RPH3A: variants seen among roughly 807,000 people sequenced by gnomAD.
The protein encoded by RPH3A is rabphilin 3A.
RPH3A carries 48 observed loss-of-function variants against 102.2 expected under a neutral mutation model. That is an observed-to-expected ratio of 0.47 (90% CI 0.37 to 0.60). RPH3A has a LOEUF of 0.60. RPH3A is among the 20% of genes least tolerant of loss of function. RPH3A has a pLI of 0.00. For missense variants in RPH3A, 781 were observed against 910.1 expected (o/e 0.86, Z 1.83); for synonymous variants, 310 against 324.3 (o/e 0.96, Z 0.47).
chr12:112,753,149 C>T (rs944880240), intron 1 of RPH3A, among the ~76,000 whole-genome samples: 1 of 152,008 alleles, frequency 6.6e-6, no homozygotes, highest in Non-Finnish European at 1.5e-5. Context: ...CAGAAAGGCC[C>T]CAGCTAGACA....
At chr12:112,710,596 G>T (rs980730729) in intron 1 of RPH3A, among the ~76,000 whole-genome samples, 8 of 152,194 alleles carry the variant, frequency 5.3e-5, no homozygotes, top group African/African-American at 1.7e-4. Flanking sequence ...AAAAGCAAGA[G>T]CTTCCCTAGT....
At chr12:112,614,525 A>G (rs1170822449) in intron 1 of RPH3A, among the ~76,000 whole-genome samples, 4 of 150,764 alleles carry the variant, frequency 2.7e-5, no homozygotes, top group Non-Finnish European at 5.9e-5. Flanking sequence ...CTCTATTAAA[A>G]AAAAAAAAAA....
chr12:112,676,711 G>A (rs1592938224), intron 1 of RPH3A, among the ~76,000 whole-genome samples: 1 of 152,190 alleles, frequency 6.6e-6, no homozygotes, highest in Non-Finnish European at 1.5e-5. Context: ...CTAATGGCTT[G>A]GAGAATGCCA....
intron 5 of RPH3A, among the ~76,000 whole-genome samples, chr12:112,860,023 A>G (rs1274209976): frequency 3.3e-5 from 5 of 152,206 alleles, no homozygotes; most frequent in African/African-American, 1.2e-4. Flanking sequence ...CGTCTCCCAT[A>G]CACATCTAGG....
intron 1 of RPH3A, among the ~76,000 whole-genome samples, chr12:112,669,365 A>G (rs887585096): frequency 6.6e-6 from 1 of 152,246 alleles, no homozygotes; most frequent in Non-Finnish European, 1.5e-5. Flanking sequence ...TCATGTGCCC[A>G]TAATAATTAG....
intron 1 of RPH3A, among the ~76,000 whole-genome samples, chr12:112,647,727 C>A (rs2039941897): frequency 6.6e-6 from 1 of 152,008 alleles, no homozygotes; most frequent in Non-Finnish European, 1.5e-5. Flanking sequence ...GGGGGAAGAG[C>A]AGGGAACAGC....
At chr12:112,634,029 T>C (rs183472988) in intron 1 of RPH3A, among the ~76,000 whole-genome samples, 2 of 152,326 alleles carry the variant, frequency 1.3e-5, no homozygotes, top group East Asian at 3.9e-4. Context: ...GTGACAGTGA[T>C]GCTCATGTTT....
chr12:112,831,443 A>T (rs2041968997), intron 3 of RPH3A, among the ~76,000 whole-genome samples: 1 of 151,932 alleles, frequency 6.6e-6, no homozygotes, highest in Non-Finnish European at 1.5e-5. Flanking sequence ...TGATTAAAAC[A>T]CTCTTAACGA....
chr12:112,731,208 G>T (rs373911591), intron 1 of RPH3A, among the ~76,000 whole-genome samples: 52 of 140,582 alleles, frequency 3.7e-4, no homozygotes, highest in African/African-American at 1.3e-3. Flanking sequence ...TGTGTGTGTG[G>T]ATCAGAGAAA....
intron 5 of RPH3A, among the ~76,000 whole-genome samples, chr12:112,849,308 C>T (rs532472845): frequency 2.0e-4 from 31 of 152,074 alleles, no homozygotes; most frequent in African/African-American, 5.5e-4. Context: ...CGGGTGGTCA[C>T]GGAGGGGATA....
chr12:112,616,288 A>G (rs2039678872), intron 1 of RPH3A, among the ~76,000 whole-genome samples: 1 of 152,154 alleles, frequency 6.6e-6, no homozygotes, highest in Non-Finnish European at 1.5e-5. Context: ...CTGGGATTAC[A>G]GGCACCTGCC....
In RPH3A at chr12:112,828,402, A is replaced by G. The variant is rs755025534; in HGVS notation, c.71+13A>G. The stretch of plus-strand genomic sequence containing the variant: ...CCCTTCAATCAAAGTAAGTTGCTGC[A>G]TCTTCCTGGGAGTGGCTTGTTTTGA... On this transcript the variant is annotated intron_variant, in intron 3 of 21. Transcript: ENST00000389385. 1 of 1,597,934 alleles carries G rather than the reference A, an allele frequency of 6.3e-7. No homozygotes were observed. The highest frequency in any genetic ancestry group is 8.5e-7 in the Non-Finnish European group (1 of 1,171,360).
intron 1 of RPH3A, among the ~76,000 whole-genome samples, chr12:112,732,180 A>G (rs141058625): frequency 2.0e-5 from 3 of 152,292 alleles, no homozygotes; most frequent in South Asian, 2.1e-4. Context: ...GAGGCTTCTC[A>G]GAATGATGCC....
intron 1 of RPH3A, among the ~76,000 whole-genome samples, chr12:112,599,013 A>G (rs17824050): frequency 0.32 from 47,968 of 152,026 alleles, 8,573 homozygotes; most frequent in Non-Finnish European, 0.39. Context: ...TATCTTAGAC[A>G]CCAGTAATTA....
intron 1 of RPH3A, among the ~76,000 whole-genome samples, chr12:112,665,137 C>T (rs1435344885): frequency 6.6e-6 from 1 of 152,136 alleles, no homozygotes; most frequent in Non-Finnish European, 1.5e-5. Context: ...TTCCTACTGC[C>T]TCATCCCTGT....
intron 1 of RPH3A, among the ~76,000 whole-genome samples, chr12:112,662,867 A>T (rs1477403892): frequency 6.6e-6 from 1 of 151,970 alleles, no homozygotes; most frequent in African/African-American, 2.4e-5. Context: ...CATTCTTCCC[A>T]AACCCCTAGT....
At chr12:112,788,979 C>T (rs1043023853), upstream of RPH3A, among the ~76,000 whole-genome samples, 23 of 151,960 alleles carry the variant, frequency 1.5e-4, no homozygotes, top group African/African-American at 5.1e-4. Flanking sequence ...ACCAACATGG[C>T]GAAACCCCGT....
At chr12:112,727,030 TAAAC>T (rs1303061760) in intron 1 of RPH3A, among the ~76,000 whole-genome samples, 1 of 150,384 alleles carries the variant, frequency 6.6e-6, no homozygotes, top group Non-Finnish European at 1.5e-5. Flanking sequence ...CTCCAATAAA[TAAAC>T]AAATAAATAA....
intron 4 of RPH3A, 138 bp from the exon 5 acceptor site, chr12:112,847,558 C>T: frequency 2.2e-6 from 2 of 909,942 alleles, no homozygotes; most frequent in Non-Finnish European, 3.4e-6. Flanking sequence ...TATGTGTGTC[C>T]CATTGCAGAG....
Sources: allele counts gnomAD v4.1 joint callset (sites outside exome capture counted in the v4.1 genomes callset), GRCh38; gene constraint gnomAD v4.1.1; transcripts MANE v1.5; gene names NCBI Gene and HGNC (gene_info 2026-07-23, HGNC 2026-07-21).